Variants in NPHP4 observed in about 807,000 individuals in gnomAD.
NPHP4 encodes the protein nephrocystin 4.
NPHP4 carries 151 observed loss-of-function variants against 155.8 expected under a neutral mutation model. That is an observed-to-expected ratio of 0.97 (90% CI 0.85 to 1.11). The LOEUF (loss-of-function observed/expected upper bound fraction) is 1.11. NPHP4 is among the 50% of genes least tolerant of loss of function. NPHP4 has a pLI of 0.00. For synonymous variants in NPHP4, 845 were observed against 816.8 expected (o/e 1.03, Z -0.59); for missense variants, 1,956 against 1,925.7 (o/e 1.02, Z -0.29).
intron 5 of NPHP4, among the ~76,000 whole-genome samples, chr1:5,964,057 T>C (rs1396450750): frequency 6.6e-6 from 1 of 152,204 alleles, no homozygotes; most frequent in African/African-American, 2.4e-5. Context: ...AAACATCAAT[T>C]CCACGAAACA....
At chr1:5,947,593 C>T (rs1647177443) in intron 8 of NPHP4, among the ~76,000 whole-genome samples, 1 of 152,222 alleles carries the variant, frequency 6.6e-6, no homozygotes, top group Admixed American at 6.5e-5. Context: ...AGGATGGAGG[C>T]TCCTTCCTCA....
At chr1:5,938,591 T>G (rs954414364) in intron 9 of NPHP4, among the ~76,000 whole-genome samples, 3 of 152,204 alleles carry the variant, frequency 2.0e-5, no homozygotes, top group African/African-American at 7.2e-5. Context: ...TAAAGTCATC[T>G]CCTCCAACCC....
chr1:5,903,569 T>C (rs1241626228), intron 16 of NPHP4, among the ~76,000 whole-genome samples: 3 of 152,114 alleles, frequency 2.0e-5, no homozygotes, highest in African/African-American at 7.2e-5. Flanking sequence ...TTCTATTCAA[T>C]GTAGCTTCAA....
In NPHP4 at chr1:5,952,838, T is replaced by C. The variant is rs867255315; in HGVS notation, c.674-2A>G. The C allele has an allele frequency of 6.3e-7, 1 of 1,597,300 alleles. No individual in the cohort carries two copies. Among genetic ancestry groups the C allele is most frequent in the Non-Finnish European group, 8.5e-7 (1 of 1,172,028 alleles). ...GGCGAGGCTTTCGGAGAGCGTCGCC[T>C]GAAACAGTGAGGGTGCGAAAAGGGT... On this transcript the variant is annotated splice_acceptor_variant, in intron 6 of 29. Coordinates refer to ENST00000378156, the MANE Select transcript of NPHP4 (RefSeq NM_015102.5). LOFTEE classifies it high-confidence loss of function.
intron 9 of NPHP4, among the ~76,000 whole-genome samples, chr1:5,935,831 C>T (rs1473863763): frequency 1.3e-5 from 2 of 152,178 alleles, no homozygotes; most frequent in African/African-American, 4.8e-5. Context: ...GCCAAGATCA[C>T]ACCACTGCAC....
Position 5,903,336 on chromosome 1 carries a change from C to A in NPHP4, c.2143+1281G>T, listed in dbSNP as rs183823407. 7.5e-4 allele frequency among the ~76,000 whole-genome samples: 114 copies of A among 152,316 alleles called. 2 individuals carry two copies. The highest frequency in any genetic ancestry group is 7.3e-3 in the Admixed American group (111 of 15,300). On this transcript the variant is annotated intron_variant, in intron 16 of 29. Coordinates refer to ENST00000378156, the MANE Select transcript of NPHP4 (RefSeq NM_015102.5). ...TTTCTTGGTTATTGTTTACCAGCCTCCTTGATCCCTAGCGCTGCATTTGCT... is the reference window on the plus strand; with the variant it reads ...TTTCTTGGTTATTGTTTACCAGCCTACTTGATCCCTAGCGCTGCATTTGCT...
Position 5,961,832 on chromosome 1 carries a change from T to G in NPHP4, c.635A>C (p.Gln212Pro). The G allele has an allele frequency of 6.2e-7, 1 of 1,613,560 alleles. No homozygotes were observed. Among genetic ancestry groups the G allele is most frequent in the Non-Finnish European group, 8.5e-7 (1 of 1,179,684 alleles). The change falls in exon 6 of 30, where the codon CAG (glutamine) becomes CCG (proline). Residue 212 changes from glutamine to proline, a missense_variant. Transcript: ENST00000378156. ...AGCTGGAAGCAGGCCAGGTATCTGCTGCAGACCAGACACCAGAAGGTTCTC... is the reference window on the plus strand; with the variant it reads ...AGCTGGAAGCAGGCCAGGTATCTGCGGCAGACCAGACACCAGAAGGTTCTC... ...LPENLLVSGL[Q>P]QIPGLLPAHG... is the part of the protein sequence containing the mutation.
rs1457163137 is a variant in NPHP4, at chr1:5,892,009, C to T, written c.2144-981G>A. 3.9e-5 allele frequency among the ~76,000 whole-genome samples: 6 copies of T among 152,234 alleles called. No individual in the cohort carries two copies. The highest frequency in any genetic ancestry group is 1.2e-4 in the African/African-American group (5 of 41,460). The stretch of plus-strand genomic sequence containing the variant: ...GGAGCAAGGACCCACTGCTCAGGCC[C>T]GGCGCTGGCCACAGCAGGAGCTCAC... On this transcript the variant is annotated intron_variant, in intron 16 of 29. Coordinates refer to ENST00000378156, the MANE Select transcript of NPHP4 (RefSeq NM_015102.5). The surrounding 1 kb of genome is among the most constrained non-coding windows in gnomAD (Gnocchi z 4.5).
chr1:5,961,920 A>G lies in NPHP4; in HGVS notation c.547T>C (p.Cys183Arg). The G allele has an allele frequency of 6.2e-7, 1 of 1,609,646 alleles. No homozygotes were observed. The change falls in exon 6 of 30, where the codon TGC (cysteine) becomes CGC (arginine). Residue 183 changes from cysteine (C) to arginine (R), a missense_variant. Coordinates refer to ENST00000378156, the MANE Select transcript of NPHP4 (RefSeq NM_015102.5). The stretch of plus-strand genomic sequence containing the variant: ...GGCTTCAGCGTGTACTGCAGGCTGC[A>G]GTTCTCAATGAGGGTCATGTGTCTG... ...QNRHMTLIEN[C>R]SLQYTLKPHP...
chr1:5,929,867 T>A (rs189959939), intron 10 of NPHP4, among the ~76,000 whole-genome samples: 1 of 152,316 alleles, frequency 6.6e-6, no homozygotes, highest in East Asian at 1.9e-4. Flanking sequence ...CTGAAATAGA[T>A]TATATAAAAG....
intron 9 of NPHP4, among the ~76,000 whole-genome samples, chr1:5,939,975 A>G (rs1646740554): frequency 6.6e-6 from 1 of 152,178 alleles, no homozygotes; most frequent in African/African-American, 2.4e-5. Flanking sequence ...CAGCAGAGGG[A>G]CAGAGAAGAG....
intron 1 of NPHP4, among the ~76,000 whole-genome samples, chr1:5,987,792 T>C (rs1335583508): frequency 6.6e-6 from 1 of 152,222 alleles, no homozygotes; most frequent in Non-Finnish European, 1.5e-5. Flanking sequence ...CCATTTTCAC[T>C]AAGAAGAATG....
rs375836844 is a variant in NPHP4 at position 5,867,848 on chromosome 1, T to G, written c.3364A>C (p.Thr1122Pro). The change falls in exon 24 of 30, where the codon ACT becomes CCT. Residue 1122 changes from threonine to proline, a missense_variant. By Grantham distance (38) the Thr-to-Pro change is conservative. Coordinates refer to ENST00000378156, the MANE Select transcript of NPHP4 (RefSeq NM_015102.5). This position sits in a 1 kb window ranked among gnomAD's most constrained non-coding sequence, Gnocchi z 4.1. ...ACCACGTGGGGCTGCAGCTCCACAG[T>G]CAGGCAGAGCACGGCGATGGGCTTG... The part of the protein sequence containing the change: ...GGKPIAVLCL[T>P]VELQPHVVDQ... 226 of 1,613,702 alleles carry G rather than the reference T, an allele frequency of 1.4e-4. No individual in the cohort carries two copies. The highest frequency in any genetic ancestry group is 1.8e-4 in the Non-Finnish European group (217 of 1,179,838).
chr1:5,921,450 G>A (rs1645735365), intron 11 of NPHP4, among the ~76,000 whole-genome samples: 1 of 152,226 alleles, frequency 6.6e-6, no homozygotes, highest in African/African-American at 2.4e-5. Flanking sequence ...TTCCCACGGT[G>A]GTAAGAGTTC....
rs771576802 is a variant in NPHP4 at position 5,969,200 on chromosome 1, G to C, written c.339C>G (p.Val113=). 5.1e-6 allele frequency: 8 copies of C among 1,582,464 alleles called. No individual in the cohort carries two copies. In the South Asian group the frequency reaches 9.2e-5, roughly 18 times the overall value. ...HPHIVAVVEV[V]AEGKKRDGSL... Reference sequence around the variant, plus strand: ...TCCCATCCCGTTTCTTGCCCTCAGCGACCACTTCCACCACAGCCACGATAT... The same window carrying C: ...TCCCATCCCGTTTCTTGCCCTCAGCCACCACTTCCACCACAGCCACGATAT... The change falls in exon 4 of 30, where the codon GTC becomes GTG. Residue 113 remains valine, a synonymous_variant. Coordinates refer to ENST00000378156, the MANE Select transcript of NPHP4 (RefSeq NM_015102.5).
Position 5,867,794 on chromosome 1 carries a change from C to A in NPHP4, c.3418G>T (p.Glu1140Ter), listed in dbSNP as rs1414888414. The A allele has an allele frequency of 1.9e-6, 3 of 1,612,628 alleles. No individual in the cohort carries two copies. In the Admixed American group the frequency reaches 5.0e-5, roughly 27 times the overall value. ...ATGGCCTTCTTCAGGAAGGAGAGCT[C>A]CGGGTGATAGAAGCGGAAGACCTGG... is the stretch of plus-strand genomic sequence containing the variant. The part of the protein sequence containing the change: ...VDQVFRFYHP[E>*]LSFLKKAIRL... The change falls in exon 24 of 30, where the codon GAG (glutamate) becomes TAG (stop). Residue 1140 changes from glutamate to a stop codon, truncating the protein, a stop_gained. Transcript: ENST00000378156. LOFTEE classifies it high-confidence loss of function. The surrounding 1 kb of genome is among the most constrained non-coding windows in gnomAD (Gnocchi z 4.1).
Position 5,947,224 on chromosome 1 carries a change from C to T in NPHP4, c.999G>A (p.Gly333=), listed in dbSNP as rs1647151865. The T allele has an allele frequency of 6.2e-7, 1 of 1,613,556 alleles. No individual in the cohort carries two copies. Among genetic ancestry groups the T allele is most frequent in the Non-Finnish European group, 8.5e-7 (1 of 1,179,784 alleles). The change falls in exon 9 of 30, where the codon GGG becomes GGA. Residue 333 remains glycine (G), a synonymous_variant. Transcript: ENST00000378156. ...KVVSSSKTSS[G]SQALVLRSRL... is the part of the protein sequence containing the mutation. ...GGCTTCTCAAAACCAGAGCTTGGCT[C>T]CCGGAGCTGGGTCAGAAACACAAAC...
At position 5,873,199 on chromosome 1, in the gene NPHP4, C is replaced by T. The variant is rs1642190586; in HGVS notation, c.3315+53G>A. The T allele has an allele frequency of 2.7e-6, 4 of 1,474,128 alleles. No homozygotes were observed. The Admixed American group carries it at 5.1e-5, about 19-fold the overall frequency. The allele number at this position is 1,474,128 out of a possible 1,614,324, so 91.3% of individuals were successfully genotyped here. A position where few individuals can be genotyped will look rare whatever the true frequency, so the allele number is the denominator to read the frequency against. ...GAGAGAAGGACACAAGGGTCAGGCC[C>T]TGGGAATACCCAGGAAGCCCCGAGA... On this transcript the variant is annotated intron_variant, in intron 23 of 29. Transcript: ENST00000378156.
chr1:5,948,200 G>C lies in NPHP4; in HGVS notation c.862C>G (p.Arg288Gly), dbSNP rs372256352. 4 of 1,605,398 alleles carry C rather than the reference G, an allele frequency of 2.5e-6. No homozygotes were observed. Among genetic ancestry groups the C allele is most frequent in the Non-Finnish European group, 2.5e-6 (3 of 1,177,344 alleles). ...CCCAGACCATTGTGCACGCCCACAC[G>C]CAGGCGCCGCTCCAGGATCTCCAGG... Reference protein sequence around the residue: ...GALEILERRLRVGVHNGLGFV... With the variant: ...GALEILERRLGVGVHNGLGFV... The change falls in exon 8 of 30, where the codon CGT (arginine) becomes GGT (glycine). Residue 288 changes from arginine to glycine, a missense_variant. Coordinates refer to ENST00000378156, the MANE Select transcript of NPHP4 (RefSeq NM_015102.5).
Sources: allele counts gnomAD v4.1 joint callset (sites outside exome capture counted in the v4.1 genomes callset), GRCh38; gene constraint gnomAD v4.1.1; non-coding constraint Gnocchi (gnomAD v3.1); transcripts MANE v1.5; gene names NCBI Gene and HGNC (gene_info 2026-07-23, HGNC 2026-07-21).